Variants in DOK6 observed in about 807,000 individuals in gnomAD.
DOK6 encodes the protein downstream of tyrosine kinase 6.
DOK6 carries 22 observed loss-of-function variants against 44.0 expected under a neutral mutation model. The ratio of observed to expected loss-of-function variants is 0.50; its 90% CI spans 0.36 to 0.71. The LOEUF is 0.71. DOK6 is among the 30% of genes least tolerant of loss of function. DOK6 has a pLI of 0.00. For synonymous variants in DOK6, 166 were observed against 145.5 expected (o/e 1.14, Z -1.01); for missense variants, 340 against 416.4 (o/e 0.82, Z 1.60).
chr18:69,642,858 G>A (rs1416020788), intron 3 of DOK6, among the ~76,000 whole-genome samples: 1 of 152,052 alleles, frequency 6.6e-6, no homozygotes, highest in Admixed American at 6.6e-5. Flanking sequence ...CTTTCTTTTT[G>A]TAATTAATAT....
At chr18:69,651,477 C>T (rs144361691) in intron 3 of DOK6, among the ~76,000 whole-genome samples, 72 of 149,554 alleles carry the variant, frequency 4.8e-4, no homozygotes, top group African/African-American at 1.6e-3. Flanking sequence ...ATCAGCCCCC[C>T]GCTCCTTTTT....
At chr18:69,705,715 C>A (rs137968946) in intron 5 of DOK6, among the ~76,000 whole-genome samples, 4 of 152,258 alleles carry the variant, frequency 2.6e-5, no homozygotes, top group African/African-American at 9.6e-5. Context: ...TCCAATTTTA[C>A]AAGGTTTTGA....
intron 7 of DOK6, among the ~76,000 whole-genome samples, chr18:69,779,845 G>A (rs1283722007): frequency 6.6e-6 from 1 of 151,798 alleles, no homozygotes; most frequent in African/African-American, 2.4e-5. Flanking sequence ...CACCTCTGAT[G>A]CCCTTCAAAC....
At chr18:69,476,644 C>T (rs979865646) in intron 1 of DOK6, among the ~76,000 whole-genome samples, 6 of 152,150 alleles carry the variant, frequency 3.9e-5, no homozygotes, top group Non-Finnish European at 7.3e-5. Flanking sequence ...GGATTGGTGA[C>T]CCTCATTGGA....
chr18:69,539,707 GA>G (rs1319960028), intron 1 of DOK6, among the ~76,000 whole-genome samples: 11 of 151,978 alleles, frequency 7.2e-5, no homozygotes, highest in African/African-American at 2.7e-4. Context: ...TTTGCTATAT[GA>G]ACAATTCTAT....
intron 5 of DOK6, among the ~76,000 whole-genome samples, chr18:69,701,054 T>C (rs1249367434): frequency 6.6e-6 from 1 of 152,282 alleles, no homozygotes; most frequent in Non-Finnish European, 1.5e-5. Context: ...ACTTTTTTCA[T>C]TGACACACTT....
At chr18:69,779,031 T>C (rs1980168928) in intron 7 of DOK6, among the ~76,000 whole-genome samples, 1 of 152,158 alleles carries the variant, frequency 6.6e-6, no homozygotes. Flanking sequence ...GAAAATGATT[T>C]TAATATACAA....
Position 69,419,862 on chromosome 18 carries a change from T to C in DOK6, c.66+18552T>C, listed in dbSNP as rs1345618437. Among the ~76,000 whole-genome samples, 4 of 152,290 alleles carry C rather than the reference T, an allele frequency of 2.6e-5. No individual in the cohort carries two copies. The East Asian group carries it at 7.7e-4, about 29-fold the overall frequency. On this transcript the variant is annotated intron_variant, in intron 1 of 7. Coordinates refer to ENST00000382713, the MANE Select transcript of DOK6 (RefSeq NM_152721.6). Reference sequence around the variant, plus strand: ...CAGAACTGCACCATTATGGTTTTGATTGATATGTACAAGAATATTGGCACC... The same window carrying C: ...CAGAACTGCACCATTATGGTTTTGACTGATATGTACAAGAATATTGGCACC...
At chr18:69,672,214 C>T (rs576634932) in intron 3 of DOK6, among the ~76,000 whole-genome samples, 1 of 151,828 alleles carries the variant, frequency 6.6e-6, no homozygotes, top group South Asian at 2.1e-4. Context: ...ACTTAGAAAA[C>T]TAATCGTACC....
chr18:69,651,704 A>T (rs1188210122), intron 3 of DOK6, among the ~76,000 whole-genome samples: 2 of 151,584 alleles, frequency 1.3e-5, no homozygotes. Flanking sequence ...GGCCAAGCTG[A>T]TTTCAAACTC....
At chr18:69,553,153 G>C (rs112651985) in intron 1 of DOK6, among the ~76,000 whole-genome samples, 1 of 152,198 alleles carries the variant, frequency 6.6e-6, no homozygotes, top group Non-Finnish European at 1.5e-5. Flanking sequence ...CTATGTTGCT[G>C]CAGGTGGGAA....
At chr18:69,766,746 A>G (rs546904901) in intron 7 of DOK6, among the ~76,000 whole-genome samples, 4 of 152,218 alleles carry the variant, frequency 2.6e-5, no homozygotes, top group Non-Finnish European at 2.9e-5. Flanking sequence ...ACATAAATGA[A>G]CCCATGCGGT....
intron 2 of DOK6, among the ~76,000 whole-genome samples, chr18:69,573,228 G>T (rs535628249): frequency 6.6e-6 from 1 of 151,708 alleles, no homozygotes; most frequent in East Asian, 1.9e-4. Context: ...AAACACACAT[G>T]CTCTATGTGT....
chr18:69,816,733 G>A (rs1025940414), intron 7 of DOK6, among the ~76,000 whole-genome samples: 4 of 152,208 alleles, frequency 2.6e-5, no homozygotes, highest in Admixed American at 2.6e-4. Context: ...TGGGAACCCT[G>A]TACTCTATCT....
rs140912897 is a variant in DOK6 at position 69,813,728 on chromosome 18, C to T, written c.857-27516C>T. On this transcript the variant is annotated intron_variant, in intron 7 of 7. Transcript: ENST00000382713. Reference sequence around the variant, plus strand: ...AAGCTACAAAGCACAGCACAGAGGACATCTAGAGCATGGTACACAGGAGCA... The same window carrying T: ...AAGCTACAAAGCACAGCACAGAGGATATCTAGAGCATGGTACACAGGAGCA... Among the ~76,000 whole-genome samples the T allele has an allele frequency of 6.6e-5, 10 of 152,050 alleles. No homozygotes were observed. In the East Asian group the frequency reaches 1.7e-3, roughly 27 times the overall value.
chr18:69,708,606 GA>G (rs1280523774), intron 5 of DOK6, among the ~76,000 whole-genome samples: 1 of 152,066 alleles, frequency 6.6e-6, no homozygotes, highest in African/African-American at 2.4e-5. Context: ...CCAACATGGT[GA>G]AATGCTGTCT....
intron 3 of DOK6, among the ~76,000 whole-genome samples, chr18:69,606,229 G>A (rs572482029): frequency 1.3e-5 from 2 of 151,658 alleles, no homozygotes; most frequent in South Asian, 2.1e-4. Context: ...CTGAGATCAC[G>A]CCACTGCACT....
At chr18:69,670,073 T>G (rs1985758924) in intron 3 of DOK6, among the ~76,000 whole-genome samples, 1 of 152,214 alleles carries the variant, frequency 6.6e-6, no homozygotes, top group African/African-American at 2.4e-5. Flanking sequence ...TTGATTTTTT[T>G]GAACATATTT....
intron 1 of DOK6, among the ~76,000 whole-genome samples, chr18:69,525,659 A>C (rs141052603): frequency 1.2e-3 from 175 of 152,154 alleles, no homozygotes; most frequent in African/African-American, 4.1e-3. Flanking sequence ...TCTTCTCTGT[A>C]AAAGGCCAGA....
Sources: gnomAD v4.1 joint callset for allele counts (sites outside exome capture counted in the v4.1 genomes callset) on GRCh38, gnomAD v4.1.1 for gene constraint, MANE v1.5 for transcripts, NCBI Gene and HGNC (gene_info 2026-07-23, HGNC 2026-07-21) for gene names.